The following METTL15 variants were observed in gnomAD, a reference collection of about 807,000 sequenced individuals.
METTL15 encodes methyltransferase 15, mitochondrial 12S rRNA N4-cytidine.
A neutral mutation model predicts 38.3 loss-of-function variants in METTL15; 34 were observed. The ratio of observed to expected loss-of-function variants is 0.89; its 90% CI spans 0.68 to 1.18. The LOEUF (loss-of-function observed/expected upper bound fraction) is 1.18. Ranked by LOEUF, METTL15 falls within the 50% of genes most tolerant of loss-of-function variation. The pLI is 0.00. For missense variants in METTL15, 438 were observed against 498.4 expected (o/e 0.88, Z 1.15); for synonymous variants, 162 against 170.9 (o/e 0.95, Z 0.41).
At chr11:28,227,983 T>C (rs1331043632) in intron 4 of METTL15, among the ~76,000 whole-genome samples, 1 of 151,946 alleles carries the variant, frequency 6.6e-6, no homozygotes, top group Non-Finnish European at 1.5e-5. Flanking sequence ...AAAGTATGTT[T>C]TGTGTTTATA....
intron 3 of METTL15, among the ~76,000 whole-genome samples, chr11:28,343,296 A>C (rs1849969719): frequency 6.6e-6 from 1 of 152,180 alleles, no homozygotes; most frequent in African/African-American, 2.4e-5. Context: ...GAAGAAATTA[A>C]ACATTTGCCT....
intron 6 of METTL15, among the ~76,000 whole-genome samples, chr11:28,495,378 A>G (rs1413410086): frequency 6.6e-6 from 1 of 152,144 alleles, no homozygotes; most frequent in South Asian, 2.1e-4. Context: ...GGGAAAAAGA[A>G]AGAAAAGGAC....
chr11:28,289,439 G>A (rs757045539), intron 4 of METTL15, among the ~76,000 whole-genome samples: 5 of 152,088 alleles, frequency 3.3e-5, no homozygotes, highest in South Asian at 2.1e-4. Context: ...TTTAGACAGA[G>A]GGAATGACAT....
intron 4 of METTL15, among the ~76,000 whole-genome samples, chr11:28,263,984 C>G (rs1855311661): frequency 6.6e-6 from 1 of 152,072 alleles, no homozygotes; most frequent in Admixed American, 6.6e-5. Flanking sequence ...CAGCCCAATG[C>G]TACACATGTA....
intron 5 of METTL15, among the ~76,000 whole-genome samples, chr11:28,376,174 C>T (rs1850309487): frequency 6.6e-6 from 1 of 151,178 alleles, no homozygotes; most frequent in Non-Finnish European, 1.5e-5. Flanking sequence ...CTGTAGATGT[C>T]TATTAGGTCC....
At chr11:28,134,028 A>G (rs1849431101) in intron 3 of METTL15, among the ~76,000 whole-genome samples, 1 of 152,134 alleles carries the variant, frequency 6.6e-6, no homozygotes, top group Admixed American at 6.6e-5. Context: ...TTTAATATGG[A>G]GGTTTGGGAA....
intron 3 of METTL15, among the ~76,000 whole-genome samples, chr11:28,156,413 G>A (rs1850265452): frequency 6.6e-6 from 1 of 152,126 alleles, no homozygotes; most frequent in South Asian, 2.1e-4. Flanking sequence ...TGTTAAGAAA[G>A]TGTATATTTA....
chr11:28,340,094 A>G (rs1050284350), intron 3 of METTL15, among the ~76,000 whole-genome samples: 1 of 152,090 alleles, frequency 6.6e-6, no homozygotes, highest in Admixed American at 6.6e-5. Context: ...GGAGATAGAG[A>G]AGTATACGTA....
chr11:28,277,552 G>A (rs1366933828), intron 4 of METTL15, among the ~76,000 whole-genome samples: 1 of 152,034 alleles, frequency 6.6e-6, no homozygotes, highest in Non-Finnish European at 1.5e-5. Context: ...ACAAAAATTA[G>A]CAGGGCACGG....
At chr11:28,175,735 T>C (rs1295942707) in intron 3 of METTL15, among the ~76,000 whole-genome samples, 1 of 152,166 alleles carries the variant, frequency 6.6e-6, no homozygotes, top group South Asian at 2.1e-4. Context: ...GTTGAACTTA[T>C]ATCCAGAATT....
At chr11:28,134,865 T>C (rs1414666651) in intron 3 of METTL15, among the ~76,000 whole-genome samples, 1 of 152,150 alleles carries the variant, frequency 6.6e-6, no homozygotes, top group Non-Finnish European at 1.5e-5. Flanking sequence ...CTGCTAAGAT[T>C]TGGGTGCATG....
At chr11:28,169,200 G>A (rs1351787) in intron 3 of METTL15, among the ~76,000 whole-genome samples, 17,011 of 152,166 alleles carry the variant, frequency 0.11, 1,315 homozygotes, top group Non-Finnish European at 0.17. Context: ...GAGGGGAATA[G>A]ATTTGACAGA....
chr11:28,382,206 T>C (rs188586802), intron 5 of METTL15, among the ~76,000 whole-genome samples: 1 of 152,318 alleles, frequency 6.6e-6, no homozygotes, highest in East Asian at 1.9e-4. Context: ...TGAGGGAACA[T>C]GTCGAGCAAA....
At chr11:28,495,783 A>G (rs1248425669) in intron 6 of METTL15, among the ~76,000 whole-genome samples, 1 of 143,024 alleles carries the variant, frequency 7.0e-6, no homozygotes, top group Non-Finnish European at 1.6e-5. Flanking sequence ...TTTTGATAGA[A>G]AAAAAAAAAA....
chr11:28,377,871 A>C (rs1850335373), intron 5 of METTL15, among the ~76,000 whole-genome samples: 1 of 151,762 alleles, frequency 6.6e-6, no homozygotes, highest in South Asian at 2.1e-4. Context: ...TTTTCCTTCT[A>C]ACAGACAGGA....
chr11:28,347,896 G>T (rs1160459634), intron 3 of METTL15, among the ~76,000 whole-genome samples: 1 of 152,186 alleles, frequency 6.6e-6, no homozygotes, highest in Non-Finnish European at 1.5e-5. Context: ...TTCTTGCACC[G>T]ATACTTTAGC....
intron 4 of METTL15, among the ~76,000 whole-genome samples, chr11:28,271,292 C>T (rs1048712313): frequency 2.0e-5 from 3 of 152,126 alleles, no homozygotes; most frequent in Non-Finnish European, 4.4e-5. Context: ...TGAATGAATT[C>T]ATTTAAATAC....
intron 4 of METTL15, among the ~76,000 whole-genome samples, chr11:28,223,597 T>C (rs546584504): frequency 2.0e-5 from 3 of 152,302 alleles, no homozygotes; most frequent in Non-Finnish European, 4.4e-5. Context: ...TTTGCTGTTA[T>C]TCTAAAAGAG....
intron 3 of METTL15, among the ~76,000 whole-genome samples, chr11:28,184,984 C>G (rs1356158691): frequency 2.0e-5 from 3 of 151,226 alleles, no homozygotes; most frequent in Admixed American, 6.6e-5. Context: ...AATTATGAGT[C>G]CCACCTAATC....
Sources: allele counts gnomAD v4.1 joint callset (sites outside exome capture counted in the v4.1 genomes callset), GRCh38; gene constraint gnomAD v4.1.1; transcripts MANE v1.5; gene names NCBI Gene and HGNC (gene_info 2026-07-23, HGNC 2026-07-21).